Variants in ACKR3 observed in about 807,000 individuals in gnomAD.
ACKR3 encodes C-X-C chemokine receptor type 7.
Under a neutral mutation model 22.4 loss-of-function variants are expected in ACKR3, and 6 were observed. The ratio of observed to expected loss-of-function variants is 0.27; its 90% CI spans 0.15 to 0.53. The LOEUF (loss-of-function observed/expected upper bound fraction) is 0.53. Ranked by LOEUF, ACKR3 falls within the 20% of genes least tolerant of loss-of-function variation. The pLI is 0.96. For missense variants in ACKR3, 396 were observed against 475.2 expected, an observed-to-expected ratio of 0.83 and a Z score of 1.55; for synonymous variants, 209 against 205.2, an observed-to-expected ratio of 1.02 and a Z score of -0.16.
the ACKR3 span, among the ~76,000 whole-genome samples, chr2:236,548,551 C>T: frequency 6.6e-6 from 1 of 152,196 alleles, no homozygotes; most frequent in African/African-American, 2.4e-5. The surrounding 1 kb of genome is among the most constrained non-coding windows in gnomAD (Gnocchi z 4.3). Context: ...TGGCATCTTG[C>T]AGGGAGGTCT....
the ACKR3 span, among the ~76,000 whole-genome samples, chr2:236,554,155 G>A: frequency 6.6e-6 from 1 of 152,128 alleles, no homozygotes; most frequent in African/African-American, 2.4e-5. Flanking sequence ...CCTCCCTTCT[G>A]GGAAAATAAG....
upstream of ACKR3, among the ~76,000 whole-genome samples, chr2:236,565,650 A>G (rs74684756): frequency 1.4e-3 from 215 of 152,248 alleles, 6 homozygotes; most frequent in East Asian, 0.038. Flanking sequence ...TGAAGTTTGT[A>G]TTAAGTTTTT....
the ACKR3 span, among the ~76,000 whole-genome samples, chr2:236,550,124 T>G: frequency 6.6e-6 from 1 of 152,208 alleles, no homozygotes; most frequent in Admixed American, 6.5e-5. The surrounding 1 kb of genome is among the most constrained non-coding windows in gnomAD (Gnocchi z 4.6). Context: ...TGGATTCCTG[T>G]GGGTGCATAG....
At chr2:236,546,593 T>C in the ACKR3 span, among the ~76,000 whole-genome samples, 2 of 152,324 alleles carry the variant, frequency 1.3e-5, no homozygotes, top group South Asian at 2.1e-4. This position sits in a 1 kb window ranked among gnomAD's most constrained non-coding sequence, Gnocchi z 4.9. Flanking sequence ...CTGCCAGACG[T>C]GACCACCCTC....
chr2:236,540,907 T>C, the ACKR3 span, among the ~76,000 whole-genome samples: 2 of 152,248 alleles, frequency 1.3e-5, no homozygotes, highest in Non-Finnish European at 2.9e-5. Flanking sequence ...ATAGTAAGTA[T>C]TTAAATCACT....
the ACKR3 span, among the ~76,000 whole-genome samples, chr2:236,549,659 G>A: frequency 2.6e-5 from 4 of 152,214 alleles, no homozygotes; most frequent in African/African-American, 9.6e-5. The surrounding 1 kb of genome is among the most constrained non-coding windows in gnomAD (Gnocchi z 5.3). Context: ...ACAGTAGTAG[G>A]ATCATAGTTG....
intron 1 of ACKR3, among the ~76,000 whole-genome samples, chr2:236,572,132 G>A (rs1344294988): frequency 1.3e-5 from 2 of 152,166 alleles, no homozygotes; most frequent in African/African-American, 4.8e-5. Flanking sequence ...ACAGGGAGGC[G>A]TGCAGGCGGT....
At chr2:236,539,487 A>G in the ACKR3 span, among the ~76,000 whole-genome samples, 1 of 150,990 alleles carries the variant, frequency 6.6e-6, no homozygotes, top group South Asian at 2.1e-4. Flanking sequence ...TAGTTTTTGT[A>G]TTTTTAGTAG....
chr2:236,571,276 C>T (rs1691302071), intron 1 of ACKR3, among the ~76,000 whole-genome samples: 1 of 152,120 alleles, frequency 6.6e-6, no homozygotes, highest in African/African-American at 2.4e-5. Context: ...CAGTCTCTGC[C>T]ATAAACACTT....
the ACKR3 span, among the ~76,000 whole-genome samples, chr2:236,560,625 A>C: frequency 1.3e-5 from 2 of 151,922 alleles, no homozygotes; most frequent in Non-Finnish European, 2.9e-5. Flanking sequence ...CCCCCATTCC[A>C]TAGGTTGCCT....
the ACKR3 span, among the ~76,000 whole-genome samples, chr2:236,540,691 G>A: frequency 6.6e-5 from 10 of 152,126 alleles, no homozygotes; most frequent in Non-Finnish European, 1.5e-4. Flanking sequence ...AATAAGGGTT[G>A]AGGTTCATTT....
chr2:236,573,703 G>A (rs1170001162), intron 1 of ACKR3, among the ~76,000 whole-genome samples: 1 of 152,174 alleles, frequency 6.6e-6, no homozygotes, highest in Non-Finnish European at 1.5e-5. Flanking sequence ...GTGTGTAGCA[G>A]CCTGGTCTGC....
chr2:236,547,202 G>A, the ACKR3 span, among the ~76,000 whole-genome samples: 1 of 152,188 alleles, frequency 6.6e-6, no homozygotes, highest in Non-Finnish European at 1.5e-5. Context: ...GGAAATAAAA[G>A]TTGCCCAGAG....
upstream of ACKR3, among the ~76,000 whole-genome samples, chr2:236,566,853 T>TTTTC (rs1219812634): frequency 1.6e-4 from 24 of 151,222 alleles, no homozygotes; most frequent in Non-Finnish European, 3.4e-4. Context: ...TCTTTCTTTC[T>TTTTC]TTTCTTTCTT....
upstream of ACKR3, among the ~76,000 whole-genome samples, chr2:236,564,158 C>T (rs544846625): frequency 4.3e-4 from 66 of 152,194 alleles, 1 homozygote; most frequent in African/African-American, 1.4e-3. Flanking sequence ...GGCCAAGCTT[C>T]ACTTCAGCCT....
intron 1 of ACKR3, among the ~76,000 whole-genome samples, chr2:236,571,529 C>A (rs1691308147): frequency 6.6e-6 from 1 of 151,546 alleles, no homozygotes; most frequent in Non-Finnish European, 1.5e-5. Context: ...GTGTGTTTTC[C>A]CCGTATTAAC....
the ACKR3 span, among the ~76,000 whole-genome samples, chr2:236,543,871 C>G: frequency 6.2e-5 from 9 of 145,546 alleles, no homozygotes; most frequent in Admixed American, 2.1e-4. Flanking sequence ...GTTATATCCA[C>G]GAATTGAATT....
the ACKR3 span, among the ~76,000 whole-genome samples, chr2:236,562,134 G>A: frequency 2.6e-5 from 4 of 152,166 alleles, no homozygotes; most frequent in South Asian, 2.1e-4. Flanking sequence ...CATACATGTC[G>A]AATATCAAAT....
Position 236,581,040 on chromosome 2 carries a change from A to G in ACKR3, c.575A>G (p.Asn192Ser), listed in dbSNP as rs1397895268. 9.9e-6 allele frequency: 16 copies of G among 1,613,934 alleles called. No individual in the cohort carries two copies. In the East Asian group the frequency reaches 1.6e-4, roughly 16 times the overall value. Residue 192 changes from asparagine to serine, a missense_variant, in exon 2 of 2, where the codon AAT becomes AGT. Asn to Ser is a conservative substitution (Grantham distance 46, BLOSUM62 1). Transcript: ENST00000272928. This position sits in a 1 kb window ranked among gnomAD's most constrained non-coding sequence, Gnocchi z 4.4. The part of the protein sequence containing the change: ...YLKTVTSASN[N>S]ETYCRSFYPE... ...AAGACCGTCACGTCTGCGTCCAACA[A>G]TGAGACCTACTGCCGGTCCTTCTAC... is the stretch of plus-strand genomic sequence containing the variant.
Sources: allele counts gnomAD v4.1 joint callset (sites outside exome capture counted in the v4.1 genomes callset), GRCh38; gene constraint gnomAD v4.1.1; non-coding constraint Gnocchi (gnomAD v3.1); transcripts MANE v1.5; gene names NCBI Gene and HGNC (gene_info 2026-07-23, HGNC 2026-07-21).